STRN: variants seen among roughly 807,000 people sequenced by gnomAD.
STRN encodes protein phosphatase 2 regulatory subunit B'''alpha.
In STRN, 53 loss-of-function variants were observed where a neutral mutation model predicts 96.3. The ratio of observed to expected loss-of-function variants is 0.55; its 90% CI spans 0.44 to 0.69. The LOEUF (loss-of-function observed/expected upper bound fraction) is 0.69. Ranked by LOEUF, STRN falls within the 30% of genes least tolerant of loss-of-function variation. The probability of loss-of-function intolerance (pLI) is 0.00; values close to 1 mark genes in which losing one functional copy is unlikely to be tolerated. For missense variants in STRN, 987 were observed against 963.9 expected, an observed-to-expected ratio of 1.02 and a Z score of -0.32; for synonymous variants, 428 against 355.9, an observed-to-expected ratio of 1.20 and a Z score of -2.28.
At chr2:36,949,573 T>C (rs961104250) in intron 1 of STRN, among the ~76,000 whole-genome samples, 1 of 152,224 alleles carries the variant, frequency 6.6e-6, no homozygotes, top group Non-Finnish European at 1.5e-5. Context: ...GAAGTAGTAC[T>C]AGTAATTAAA....
At chr2:36,940,862 A>T (rs993251809) in intron 1 of STRN, among the ~76,000 whole-genome samples, 4 of 147,762 alleles carry the variant, frequency 2.7e-5, no homozygotes, top group African/African-American at 1.0e-4. Flanking sequence ...AAAAAAAAAA[A>T]GTAAATTAGG....
At chr2:36,957,503 GCTGGAAC>G (rs1664918105) in intron 1 of STRN, among the ~76,000 whole-genome samples, 1 of 151,980 alleles carries the variant, frequency 6.6e-6, no homozygotes, top group African/African-American at 2.4e-5. Context: ...CACAAGAATC[GCTGGAAC>G]CTGGAAGGCA....
chr2:36,838,647 G>T lies in STRN; in HGVS notation c.*10809C>A, dbSNP rs2540938. 0.94 allele frequency among the ~76,000 whole-genome samples: 143,149 copies of T among 152,236 alleles called. 67,958 individuals carry two copies. Among genetic ancestry groups the T allele is most frequent in the East Asian group, 1 (5,184 of 5,184 alleles). On this transcript the variant is annotated 3_prime_UTR_variant, in exon 18 of 18. Transcript: ENST00000263918. ...AAATAAAAACTGTTCCGGCCACTTT[G>T]GGAAACAATCTGTCAATATTTATTT...
intron 1 of STRN, among the ~76,000 whole-genome samples, chr2:36,954,838 C>T (rs1332365942): frequency 6.6e-6 from 1 of 151,974 alleles, no homozygotes; most frequent in African/African-American, 2.4e-5. Flanking sequence ...GGGGTTTCAC[C>T]ATGTTAGCTG....
intron 3 of STRN, among the ~76,000 whole-genome samples, chr2:36,906,067 C>T (rs907854827): frequency 1.3e-5 from 2 of 152,016 alleles, no homozygotes; most frequent in African/African-American, 2.4e-5. Flanking sequence ...GGATGGATAC[C>T]CCATTTTCCA....
intron 7 of STRN, 56 bp downstream of exon 7, chr2:36,893,842 T>C: frequency 1.3e-6 from 2 of 1,537,542 alleles, no homozygotes; most frequent in Non-Finnish European, 1.7e-6. Flanking sequence ...CCTGGTAAAA[T>C]ATTAATTTCT....
At chr2:36,879,537 A>G (rs1289393615) in intron 9 of STRN, among the ~76,000 whole-genome samples, 3 of 152,252 alleles carry the variant, frequency 2.0e-5, no homozygotes, top group South Asian at 2.1e-4. Flanking sequence ...GTTAAAAGCA[A>G]TATGTCTAAT....
rs973476425 is a variant in STRN at position 36,899,534 on chromosome 2, C to T, written c.784G>A (p.Asp262Asn). The part of the protein sequence containing the change: ...DVDGREKSVI[D>N]TSTIVRKKAL... The stretch of plus-strand genomic sequence containing the variant: ...GTTATCTAACTCACTGTTGAAGTAT[C>T]AATGACGCTTTTCTCTCTTCCATCA... The change falls in exon 6 of 18, where the codon GAT (aspartate) becomes AAT (asparagine). Residue 262 changes from aspartate (D) to asparagine (N), a missense_variant. Transcript: ENST00000263918. The T allele has an allele frequency of 6.2e-7, 1 of 1,612,236 alleles. No individual in the cohort carries two copies. The highest frequency in any genetic ancestry group is 1.3e-5 in the African/African-American group (1 of 74,724).
At chr2:36,874,484 C>G (rs887046208) in intron 10 of STRN, among the ~76,000 whole-genome samples, 2 of 151,554 alleles carry the variant, frequency 1.3e-5, no homozygotes, top group African/African-American at 4.9e-5. Context: ...GAGTGGTACT[C>G]GAAGAGAAAT....
At chr2:36,963,784 C>G (rs1263047717) in intron 1 of STRN, among the ~76,000 whole-genome samples, 1 of 151,940 alleles carries the variant, frequency 6.6e-6, no homozygotes, top group Non-Finnish European at 1.5e-5. Context: ...TTGTGAAACC[C>G]CGTCTCTACC....
rs1167295057 is a variant in STRN, at chr2:36,919,595, T to A, written c.339-3444A>T. Among the ~76,000 whole-genome samples the A allele has an allele frequency of 3.3e-5, 5 of 152,130 alleles. No individual in the cohort carries two copies. The East Asian group carries it at 9.6e-4, about 29-fold the overall frequency. On this transcript the variant is annotated intron_variant, in intron 2 of 17. Coordinates refer to ENST00000263918, the MANE Select transcript of STRN (RefSeq NM_003162.4). ...CAGAAAGGGCCTGGCTGTGAAGAAC[T>A]TTACTAAGAACGTGAAATTAGCTAG...
In STRN at chr2:36,899,631, G is replaced by T; in HGVS notation, c.687C>A (p.Ser229=). 1 of 1,611,670 alleles carries T rather than the reference G, an allele frequency of 6.2e-7. No individual in the cohort carries two copies. Residue 229 remains serine (S), a synonymous_variant, in exon 6 of 18, where the codon TCC becomes TCA. Coordinates refer to ENST00000263918, the MANE Select transcript of STRN (RefSeq NM_003162.4). Reference sequence around the variant, plus strand: ...CAAGGAATTTGAAATTATCCAGCACGGAGGCAGAATCTGTTAACTCAGATT... The same window carrying T: ...CAAGGAATTTGAAATTATCCAGCACTGAGGCAGAATCTGTTAACTCAGATT... ...IAKSELTDSA[S]VLDNFKFLES...
At position 36,844,378 on chromosome 2, in the gene STRN, A is replaced by G. The variant is rs1668015821; in HGVS notation, c.*5078T>C. On this transcript the variant is annotated 3_prime_UTR_variant, in exon 18 of 18. Coordinates refer to ENST00000263918, the MANE Select transcript of STRN (RefSeq NM_003162.4). The stretch of plus-strand genomic sequence containing the variant: ...AAGTCAATTAAAATACCATTCTCTG[A>G]GACATTTTCAGAGAGGAGCTAACTA... The G allele has an allele frequency of 6.6e-6, 1 of 152,174 alleles. No homozygotes were observed. The highest frequency in any genetic ancestry group is 2.4e-5 in the African/African-American group (1 of 41,454). 9.4% of individuals were successfully genotyped at this position (152,174 alleles called of 1,614,324 possible).
intron 9 of STRN, among the ~76,000 whole-genome samples, chr2:36,882,718 G>C (rs928197338): frequency 2.0e-5 from 3 of 152,124 alleles, no homozygotes; most frequent in African/African-American, 7.2e-5. Flanking sequence ...GTGGTGAGCT[G>C]TGATTGCGCC....
chr2:36,909,911 G>A (rs996064681), intron 3 of STRN, among the ~76,000 whole-genome samples: 2 of 152,218 alleles, frequency 1.3e-5, no homozygotes, highest in Non-Finnish European at 2.9e-5. Flanking sequence ...AGTGGCTCAC[G>A]CCTGTAATCC....
At chr2:36,940,464 G>A (rs1385730927) in intron 1 of STRN, among the ~76,000 whole-genome samples, 2 of 152,104 alleles carry the variant, frequency 1.3e-5, no homozygotes, top group Non-Finnish European at 2.9e-5. Context: ...AGTTGGTGAA[G>A]CTGAGTAAAA....
At chr2:36,927,722 T>C (rs1670452192) in intron 1 of STRN, among the ~76,000 whole-genome samples, 1 of 152,232 alleles carries the variant, frequency 6.6e-6, no homozygotes, top group African/African-American at 2.4e-5. Flanking sequence ...ATCAGATGGA[T>C]AAAGTTCAGT....
intron 9 of STRN, 143 bp from the exon 10 acceptor site, chr2:36,878,170 G>A (rs1192022432): frequency 1.1e-6 from 1 of 890,570 alleles, no homozygotes; most frequent in Non-Finnish European, 1.6e-6. Context: ...AATTCAGTGA[G>A]CAGAAAATCC....
At chr2:36,882,616 A>C (rs966361875) in intron 9 of STRN, among the ~76,000 whole-genome samples, 1 of 152,158 alleles carries the variant, frequency 6.6e-6, no homozygotes. Context: ...AAAGCATAAA[A>C]AAGTTATCTG....
Sources: gnomAD v4.1 joint callset for allele counts (sites outside exome capture counted in the v4.1 genomes callset) on GRCh38, gnomAD v4.1.1 for gene constraint, MANE v1.5 for transcripts, NCBI Gene and HGNC (gene_info 2026-07-23, HGNC 2026-07-21) for gene names.